AUTS2: variants seen among roughly 807,000 people sequenced by gnomAD.
AUTS2 encodes autism susceptibility gene 2 protein.
In AUTS2, 17 loss-of-function variants were observed where a neutral mutation model predicts 112.4. The ratio of observed to expected loss-of-function variants is 0.15; its 90% CI spans 0.10 to 0.23. The LOEUF is 0.23. Ranked by LOEUF, AUTS2 falls within the 10% of genes least tolerant of loss-of-function variation. The pLI is 1.00. For synonymous variants in AUTS2, 751 were observed against 702.7 expected (o/e 1.07, Z -1.09); for missense variants, 1,510 against 1,701.6 (o/e 0.89, Z 1.98).
At chr7:69,889,767 G>T (rs964328874) in intron 1 of AUTS2, among the ~76,000 whole-genome samples, 3 of 152,210 alleles carry the variant, frequency 2.0e-5, no homozygotes, top group Non-Finnish European at 4.4e-5. Context: ...GGGAGAAAAA[G>T]CAATCGAAAT....
At position 69,599,563 on chromosome 7, in the gene AUTS2, G is replaced by A; in HGVS notation, c.-91G>A. 2 of 1,171,928 alleles carry A rather than the reference G, an allele frequency of 1.7e-6. No individual in the cohort carries two copies. The highest frequency in any genetic ancestry group is 2.1e-6 in the Non-Finnish European group (2 of 936,380). The allele number at this position is 1,171,928 out of a possible 1,614,324, so 72.6% of individuals were successfully genotyped here. The stretch of plus-strand genomic sequence containing the variant: ...CTCGGGGCGGAGGGAAGCCGTGAAG[G>A]GGGAGGGAGGGCTCGGTGTCAATTT... On this transcript the variant is annotated 5_prime_UTR_variant, in exon 1 of 19. Transcript: ENST00000342771. The surrounding 1 kb of genome is among the most constrained non-coding windows in gnomAD (Gnocchi z 7.0).
intron 1 of AUTS2, among the ~76,000 whole-genome samples, chr7:69,845,589 T>G (rs1228852203): frequency 1.3e-5 from 2 of 152,144 alleles, no homozygotes; most frequent in Non-Finnish European, 2.9e-5. Flanking sequence ...GAATCAGAAA[T>G]AAATCAGGAA....
intron 4 of AUTS2, among the ~76,000 whole-genome samples, chr7:70,259,479 C>G (rs951460223): frequency 2.0e-5 from 3 of 152,080 alleles, no homozygotes; most frequent in African/African-American, 7.2e-5. Context: ...CCTGGCATGC[C>G]CATTGAGAAG....
rs563047838 is a variant in AUTS2, at chr7:69,973,350, A to G, written c.522+73852A>G. Among the ~76,000 whole-genome samples the G allele has an allele frequency of 2.7e-4, 41 of 152,310 alleles. No homozygotes were observed. In the South Asian group the frequency reaches 3.5e-3, roughly 13 times the overall value. On this transcript the variant is annotated intron_variant, in intron 2 of 18. Coordinates refer to ENST00000342771, the MANE Select transcript of AUTS2 (RefSeq NM_015570.4). ...TTTGTAGTTCTTTGAAATTTTCTGT[A>G]TAGACAATTATGTCATTTGCAAATG... is the stretch of plus-strand genomic sequence containing the variant.
rs1274870197 is a variant in AUTS2 at position 70,008,095 on chromosome 7, A to G, written c.522+108597A>G. 9.9e-5 allele frequency among the ~76,000 whole-genome samples: 15 copies of G among 152,270 alleles called. No individual in the cohort carries two copies. The East Asian group carries it at 2.7e-3, about 27-fold the overall frequency. On this transcript the variant is annotated intron_variant, in intron 2 of 18. Coordinates refer to ENST00000342771, the MANE Select transcript of AUTS2 (RefSeq NM_015570.4). ...TTTGTATACAAAATCATCATGTGTTAAGTATATTAACTCTATGTTGTGTTT... is the reference window on the plus strand; with the variant it reads ...TTTGTATACAAAATCATCATGTGTTGAGTATATTAACTCTATGTTGTGTTT...
In AUTS2 at chr7:70,153,487, C is replaced by T. The variant is rs149197393; in HGVS notation, c.660+18916C>T. ...AACTTTTGTAGGTGATGGGTATGTT[C>T]ATTATCATGACTGTCAGGATGGCTC... On this transcript the variant is annotated intron_variant, in intron 4 of 18. Coordinates refer to ENST00000342771, the MANE Select transcript of AUTS2 (RefSeq NM_015570.4). Among the ~76,000 whole-genome samples the T allele has an allele frequency of 8.3e-4, 126 of 152,232 alleles. 1 individual carries two copies. Among genetic ancestry groups the T allele is most frequent in the Non-Finnish European group, 1.4e-3 (97 of 67,996 alleles).
chr7:70,306,818 A>G (rs1196639139), intron 4 of AUTS2, among the ~76,000 whole-genome samples: 1 of 152,248 alleles, frequency 6.6e-6, no homozygotes, highest in Non-Finnish European at 1.5e-5. Context: ...ATTGAGAAAG[A>G]AATCTGCAAA....
chr7:70,454,702 T>C (rs958291116), intron 5 of AUTS2, among the ~76,000 whole-genome samples: 2 of 152,146 alleles, frequency 1.3e-5, no homozygotes, highest in East Asian at 3.9e-4. Context: ...ACCATCGCCT[T>C]TGAGTTTCTA....
At position 70,049,337 on chromosome 7, in the gene AUTS2, A is replaced by AT. The variant is rs199928586; in HGVS notation, c.523-68784dup. 2.6e-3 allele frequency among the ~76,000 whole-genome samples: 382 copies of AT among 146,388 alleles called. 8 individuals carry two copies. In the East Asian group the frequency reaches 0.037, roughly 14 times the overall value. The stretch of plus-strand genomic sequence containing the variant: ...TCTATTAGCAAATCATCTCTTGGAC[A>AT]TTTTTTTTTTTGGAGACAGAATCTC... On this transcript the variant is annotated intron_variant, in intron 2 of 18. Coordinates refer to ENST00000342771, the MANE Select transcript of AUTS2 (RefSeq NM_015570.4).
chr7:69,990,394 A>T (rs1185771445), intron 2 of AUTS2, among the ~76,000 whole-genome samples: 1 of 152,172 alleles, frequency 6.6e-6, no homozygotes, highest in Admixed American at 6.6e-5. Context: ...TAAAATATCT[A>T]GTTCATTTTC....
chr7:69,646,671 G>A (rs896808696), intron 1 of AUTS2, among the ~76,000 whole-genome samples: 1 of 152,208 alleles, frequency 6.6e-6, no homozygotes, highest in African/African-American at 2.4e-5. Context: ...TTAAAACTTA[G>A]TTGGACTGCA....
intron 4 of AUTS2, among the ~76,000 whole-genome samples, chr7:70,217,615 G>A (rs1366748305): frequency 6.6e-6 from 1 of 152,150 alleles, no homozygotes; most frequent in African/African-American, 2.4e-5. Context: ...TTGGAAGGTC[G>A]ACATGAGGTA....
intron 5 of AUTS2, among the ~76,000 whole-genome samples, chr7:70,562,380 C>T (rs963653551): frequency 2.0e-5 from 3 of 152,150 alleles, no homozygotes; most frequent in Non-Finnish European, 2.9e-5. Context: ...CTGCCAGGGT[C>T]GACAACTAAC....
At chr7:70,699,278 C>T (rs1348311693) in intron 6 of AUTS2, 1 of 152,186 alleles carries the variant, frequency 6.6e-6, no homozygotes, top group African/African-American at 2.4e-5. Context: ...TAATCACTGG[C>T]TCTGAAAGGT....
In AUTS2 at chr7:70,473,399, CA is replaced by C. The variant is rs202017733; in HGVS notation, c.690+37622del. 4.6e-5 allele frequency among the ~76,000 whole-genome samples: 7 copies of C among 152,294 alleles called. No individual in the cohort carries two copies. The East Asian group carries it at 1.3e-3, about 29-fold the overall frequency. Reference sequence around the variant, plus strand: ...GCAGCCATTCCTCACCAGGTCACTACAAAATACAAGTTTTATCAGTTTCTGT... The same window carrying C: ...GCAGCCATTCCTCACCAGGTCACTACAAATACAAGTTTTATCAGTTTCTGT... On this transcript the variant is annotated intron_variant, in intron 5 of 18. Coordinates refer to ENST00000342771, the MANE Select transcript of AUTS2 (RefSeq NM_015570.4).
chr7:69,976,946 G>A (rs1798083723), intron 2 of AUTS2, among the ~76,000 whole-genome samples: 2 of 152,078 alleles, frequency 1.3e-5, no homozygotes, highest in African/African-American at 4.8e-5. Context: ...TAAGTTTGAT[G>A]TAGTTCCATC....
At chr7:70,526,634 C>T (rs1353302979) in intron 5 of AUTS2, among the ~76,000 whole-genome samples, 1 of 152,212 alleles carries the variant, frequency 6.6e-6, no homozygotes, top group Non-Finnish European at 1.5e-5. Flanking sequence ...CGTGCCACTG[C>T]ACTCCAGCCT....
At chr7:69,694,001 A>G (rs1216190529) in intron 1 of AUTS2, among the ~76,000 whole-genome samples, 1 of 152,192 alleles carries the variant, frequency 6.6e-6, no homozygotes, top group Admixed American at 6.5e-5. Flanking sequence ...GGGAGACTAC[A>G]GGTAGATTTG....
chr7:69,624,132 A>T (rs1029655210), intron 1 of AUTS2, among the ~76,000 whole-genome samples: 3 of 152,200 alleles, frequency 2.0e-5, no homozygotes, highest in African/African-American at 4.8e-5. Flanking sequence ...CTCACAGCTG[A>T]TATTAAGATT....
Sources: gnomAD v4.1 joint callset for allele counts (sites outside exome capture counted in the v4.1 genomes callset) on GRCh38, gnomAD v4.1.1 for gene constraint, Gnocchi (gnomAD v3.1) non-coding constraint, MANE v1.5 for transcripts, NCBI Gene and HGNC (gene_info 2026-07-23, HGNC 2026-07-21) for gene names.